The following MECOM variants were observed in gnomAD, a reference collection of about 807,000 sequenced individuals.
MECOM encodes the protein histone-lysine N-methyltransferase MECOM.
In MECOM, 13 loss-of-function variants were observed where a neutral mutation model predicts 116.3. That is an observed-to-expected ratio of 0.11 (90% CI 0.07 to 0.18). The LOEUF (loss-of-function observed/expected upper bound fraction) is 0.18. Ranked by LOEUF, MECOM falls within the 10% of genes least tolerant of loss-of-function variation. The pLI is 1.00. For synonymous variants in MECOM, 528 were observed against 535.2 expected (o/e 0.99, Z 0.19); for missense variants, 1,299 against 1,509.0 (o/e 0.86, Z 2.31).
At chr3:169,471,549 G>C (rs1029113702) in intron 1 of MECOM, among the ~76,000 whole-genome samples, 2 of 152,110 alleles carry the variant, frequency 1.3e-5, no homozygotes, top group Non-Finnish European at 1.5e-5. Context: ...TTATATCCAG[G>C]AATCCAACAA....
At chr3:169,477,963 A>G (rs139961498) in intron 1 of MECOM, among the ~76,000 whole-genome samples, 223 of 152,348 alleles carry the variant, frequency 1.5e-3, no homozygotes, top group Non-Finnish European at 2.2e-3. Context: ...ATAGACAATT[A>G]AAGTGGCCCA....
At chr3:169,087,871 T>C (rs1718342868) in intron 16 of MECOM, among the ~76,000 whole-genome samples, 1 of 152,190 alleles carries the variant, frequency 6.6e-6, no homozygotes, top group Non-Finnish European at 1.5e-5. Context: ...TGTTCTTAAG[T>C]TCATGGAGGT....
intron 2 of MECOM, among the ~76,000 whole-genome samples, chr3:169,186,732 A>G (rs1218868030): frequency 6.6e-6 from 1 of 152,108 alleles, no homozygotes; most frequent in Non-Finnish European, 1.5e-5. Context: ...TTGCTAACTA[A>G]CGAACCTTGA....
At chr3:169,411,347 A>G (rs1039521754) in intron 1 of MECOM, among the ~76,000 whole-genome samples, 9 of 152,220 alleles carry the variant, frequency 5.9e-5, no homozygotes, top group Non-Finnish European at 1.3e-4. Flanking sequence ...AACCACAAGC[A>G]GGAATGTTTA....
chr3:169,512,308 A>T (rs1207626987), intron 1 of MECOM, among the ~76,000 whole-genome samples: 1 of 152,178 alleles, frequency 6.6e-6, no homozygotes. Flanking sequence ...GCTCCCAAGA[A>T]ATTTCCTCTG....
chr3:169,277,992 C>A (rs573959517), intron 2 of MECOM, among the ~76,000 whole-genome samples: 1 of 152,288 alleles, frequency 6.6e-6, no homozygotes, highest in East Asian at 1.9e-4. Flanking sequence ...AGTGGACCAA[C>A]TTAGTAGAGA....
At chr3:169,152,665 G>C (rs1741353703) in intron 2 of MECOM, among the ~76,000 whole-genome samples, 1 of 152,186 alleles carries the variant, frequency 6.6e-6, no homozygotes, top group Non-Finnish European at 1.5e-5. Flanking sequence ...ACGGCACTGT[G>C]TGCGTTCAGA....
chr3:169,180,675 T>C (rs1745826786), intron 2 of MECOM, among the ~76,000 whole-genome samples: 1 of 151,370 alleles, frequency 6.6e-6, no homozygotes, highest in African/African-American at 2.4e-5. Flanking sequence ...TCACCTTCTT[T>C]CCTTCTGATT....
At position 169,604,060 on chromosome 3, in the gene MECOM, C is replaced by T. The variant is rs576500157; in HGVS notation, c.37+59276G>A. ...TTGTGTAATTGCCTTTTTCTCTAAG[C>T]GAAAATTTCCCTTAGAGAAAGAAAA... is the stretch of plus-strand genomic sequence containing the variant. On this transcript the variant is annotated intron_variant, in intron 1 of 16. Transcript: ENST00000651503. 1.2e-4 allele frequency among the ~76,000 whole-genome samples: 19 copies of T among 152,062 alleles called. No homozygotes were observed. In the South Asian group the frequency reaches 2.3e-3, roughly 18 times the overall value.
intron 1 of MECOM, chr3:169,472,923 C>A: frequency 2.1e-6 from 2 of 967,102 alleles, no homozygotes; most frequent in Middle Eastern, 5.3e-4. Context: ...AAAAATCAAT[C>A]AAAATATTTA....
At chr3:169,224,588 A>T (rs1341608649) in intron 2 of MECOM, among the ~76,000 whole-genome samples, 2 of 152,300 alleles carry the variant, frequency 1.3e-5, no homozygotes, top group East Asian at 3.9e-4. Context: ...TACCCAGTAA[A>T]CCTCACAGTA....
intron 2 of MECOM, among the ~76,000 whole-genome samples, chr3:169,233,761 A>C (rs1391888130): frequency 2.0e-5 from 3 of 152,158 alleles, no homozygotes; most frequent in Non-Finnish European, 4.4e-5. Context: ...TACTACTAAA[A>C]TTATTACTGT....
intron 2 of MECOM, among the ~76,000 whole-genome samples, chr3:169,210,779 C>T (rs772516893): frequency 6.6e-6 from 1 of 152,098 alleles, no homozygotes; most frequent in Admixed American, 6.6e-5. Context: ...CCCTTTTCCA[C>T]CCAACCCTAA....
At chr3:169,144,946 T>C in intron 2 of MECOM, 9 of 1,454,206 alleles carry the variant, frequency 6.2e-6, no homozygotes, top group Non-Finnish European at 8.5e-6. Context: ...AAAGCAATTT[T>C]GCATAGAATT....
At chr3:169,188,962 T>A (rs1747137387) in intron 2 of MECOM, among the ~76,000 whole-genome samples, 1 of 152,108 alleles carries the variant, frequency 6.6e-6, no homozygotes, top group Admixed American at 6.6e-5. Context: ...AAAGGCCCAC[T>A]CAGTTATGTC....
intron 1 of MECOM, among the ~76,000 whole-genome samples, chr3:169,473,899 T>TATAGATAG (rs3042766): frequency 2.6e-5 from 4 of 151,890 alleles, no homozygotes; most frequent in African/African-American, 9.7e-5. Flanking sequence ...TCATTATATC[T>TATAGATAG]ATAGATAGAT....
chr3:169,559,450 A>G (rs1329882694), intron 1 of MECOM, among the ~76,000 whole-genome samples: 1 of 152,282 alleles, frequency 6.6e-6, no homozygotes, highest in East Asian at 1.9e-4. Flanking sequence ...ATAAGAAAGA[A>G]ATAATATACA....
Position 169,090,085 on chromosome 3 carries a change from T to C in MECOM, c.3316A>G (p.Thr1106Ala). The C allele has an allele frequency of 6.2e-7, 1 of 1,613,724 alleles. No homozygotes were observed. Among genetic ancestry groups the C allele is most frequent in the South Asian group, 1.1e-5 (1 of 91,068 alleles). ...ITGKTGKEPV[T>A]SNLHEGNPED... Reference sequence around the variant, plus strand: ...GGGTTTCCTTCATGTAAATTACTTGTCACTGGTTCCTTTCCTGTTTTTCCA... The same window carrying C: ...GGGTTTCCTTCATGTAAATTACTTGCCACTGGTTCCTTTCCTGTTTTTCCA... The change falls in exon 15 of 17, where the codon ACA (threonine) becomes GCA (alanine). Residue 1106 changes from threonine (T) to alanine (A), a missense_variant. By Grantham distance (58) the Thr-to-Ala change is moderately conservative. This residue lies in a region of MECOM where 273 missense variants were observed against 289.3 expected (regional missense o/e 0.94). Coordinates refer to ENST00000651503, the MANE Select transcript of MECOM (RefSeq NM_004991.4).
At chr3:169,154,492 G>A (rs1741643979) in intron 2 of MECOM, among the ~76,000 whole-genome samples, 1 of 152,036 alleles carries the variant, frequency 6.6e-6, no homozygotes, top group Non-Finnish European at 1.5e-5. Flanking sequence ...TTGGATGCCT[G>A]TTACCTCTAG....
Sources: gnomAD v4.1 joint callset for allele counts (sites outside exome capture counted in the v4.1 genomes callset) on GRCh38, gnomAD v4.1.1 for gene constraint, gnomAD v4.1.1 regional missense constraint, MANE v1.5 for transcripts, NCBI Gene and HGNC (gene_info 2026-07-23, HGNC 2026-07-21) for gene names.